Variants in ATXN1 observed in about 807,000 individuals in gnomAD.
The protein encoded by ATXN1 is ataxin-1.
ATXN1 carries 8 observed loss-of-function variants against 56.4 expected under a neutral mutation model. The observed-to-expected ratio is 0.14, with a 90% CI of 0.08 to 0.26. The LOEUF is 0.26. ATXN1 is among the 10% of genes least tolerant of loss of function. ATXN1 has a pLI of 1.00. For synonymous variants in ATXN1, 514 were observed against 494.6 expected (o/e 1.04, Z -0.52); for missense variants, 987 against 1,106.5 (o/e 0.89, Z 1.53).
At chr6:16,606,604 C>T (rs1763010237) in intron 3 of ATXN1, among the ~76,000 whole-genome samples, 1 of 151,870 alleles carries the variant, frequency 6.6e-6, no homozygotes, top group Non-Finnish European at 1.5e-5. Context: ...TCTCGGCTCA[C>T]TGTGACCTCC....
chr6:16,580,411 C>T (rs1762507523), intron 4 of ATXN1, among the ~76,000 whole-genome samples: 4 of 152,118 alleles, frequency 2.6e-5, no homozygotes, highest in African/African-American at 7.2e-5. Context: ...GGATTTCTAC[C>T]TCGAGTTTTG....
intron 6 of ATXN1, among the ~76,000 whole-genome samples, chr6:16,446,169 A>G (rs1337366231): frequency 4.0e-5 from 6 of 151,334 alleles, no homozygotes; most frequent in African/African-American, 1.5e-4. Context: ...ATTTCTCCAC[A>G]TCCTCTCCAG....
intron 5 of ATXN1, among the ~76,000 whole-genome samples, chr6:16,486,963 T>A (rs1023312290): frequency 3.9e-5 from 6 of 152,072 alleles, no homozygotes; most frequent in Non-Finnish European, 8.8e-5. Context: ...GATAACTTTT[T>A]GTTTATTTGC....
chr6:16,327,426 G>A lies in ATXN1; in HGVS notation c.885C>T (p.Asp295=). 3 of 1,613,774 alleles carry A rather than the reference G, an allele frequency of 1.9e-6. No individual in the cohort carries two copies. The highest frequency in any genetic ancestry group is 2.5e-6 in the Non-Finnish European group (3 of 1,179,988). The change falls in exon 7 of 8, where the codon GAC becomes GAT. Residue 295 remains aspartate (D), a synonymous_variant. Transcript: ENST00000436367. The part of the protein sequence containing the change: ...PPSQVVMQYA[D]SGSHFVPREA... ...CCCGAGGGACAAAGTGGCTGCCGGA[G>A]TCGGCGTATTGCATGACGACCTGGG...
chr6:16,378,377 C>T (rs1444133387), intron 6 of ATXN1, among the ~76,000 whole-genome samples: 1 of 152,066 alleles, frequency 6.6e-6, no homozygotes, highest in Non-Finnish European at 1.5e-5. Flanking sequence ...TTCAGATAGG[C>T]GTTAGGCCCA....
intron 3 of ATXN1, among the ~76,000 whole-genome samples, chr6:16,603,293 G>A (rs757773213): frequency 1.3e-5 from 2 of 152,134 alleles, no homozygotes; most frequent in Non-Finnish European, 2.9e-5. Context: ...GAGGCTTTAA[G>A]CCTTTCCCAC....
chr6:16,517,036 T>C (rs943635724), intron 5 of ATXN1, among the ~76,000 whole-genome samples: 8 of 152,260 alleles, frequency 5.3e-5, no homozygotes, highest in African/African-American at 1.7e-4. Context: ...ATAACAATTA[T>C]TCATTTGCAT....
At chr6:16,339,287 C>T (rs900451926) in intron 6 of ATXN1, among the ~76,000 whole-genome samples, 1 of 152,186 alleles carries the variant, frequency 6.6e-6, no homozygotes, top group Non-Finnish European at 1.5e-5. Context: ...ATAAAACTCT[C>T]CATCAAGTCA....
chr6:16,670,513 C>A (rs1388772051), intron 2 of ATXN1, among the ~76,000 whole-genome samples: 1 of 152,184 alleles, frequency 6.6e-6, no homozygotes, highest in Non-Finnish European at 1.5e-5. Flanking sequence ...CTGGAGAAAA[C>A]AGATGTGGAG....
chr6:16,562,463 G>GAA lies in ATXN1; in HGVS notation c.-361+23316_-361+23317insTT, dbSNP rs1561756163. Among the ~76,000 whole-genome samples, 483 of 71,998 alleles carry GAA rather than the reference G, an allele frequency of 6.7e-3. 1 individual carries two copies. The highest frequency in any genetic ancestry group is 0.041 in the South Asian group (72 of 1,770). 47.2% of individuals were successfully genotyped at this position (71,998 alleles called of 152,430 possible). A position where few individuals can be genotyped will look rare whatever the true frequency, so the allele number is the denominator to read the frequency against. ...AAAGAAAAGAAAGAAAAGGAGAGGA[G>GAA]AGGAGAGGAGAGGAGAGGAGAGGAA... On this transcript the variant is annotated intron_variant, in intron 4 of 7. Coordinates refer to ENST00000436367, the MANE Select transcript of ATXN1 (RefSeq NM_001128164.2).
intron 2 of ATXN1, among the ~76,000 whole-genome samples, chr6:16,665,130 C>A (rs1376041671): frequency 6.6e-6 from 1 of 151,996 alleles, no homozygotes; most frequent in Non-Finnish European, 1.5e-5. Flanking sequence ...GAAGATGTGG[C>A]CAATAGTTTC....
chr6:16,527,982 C>T (rs2113702639), intron 4 of ATXN1, among the ~76,000 whole-genome samples: 1 of 152,220 alleles, frequency 6.6e-6, no homozygotes, highest in African/African-American at 2.4e-5. Flanking sequence ...GTGTTGTGTG[C>T]TATACAATGG....
chr6:16,503,363 T>C (rs908934654), intron 5 of ATXN1, among the ~76,000 whole-genome samples: 1 of 152,210 alleles, frequency 6.6e-6, no homozygotes, highest in African/African-American at 2.4e-5. Context: ...GCTCCTGGCC[T>C]CATGACAAGT....
chr6:16,545,791 A>G (rs764586956), intron 4 of ATXN1, among the ~76,000 whole-genome samples: 1 of 152,244 alleles, frequency 6.6e-6, no homozygotes. Flanking sequence ...GTAGCAAAGA[A>G]AGCCTGAAAA....
chr6:16,596,728 G>A (rs902831360), intron 3 of ATXN1, among the ~76,000 whole-genome samples: 12 of 152,112 alleles, frequency 7.9e-5, no homozygotes, highest in African/African-American at 2.9e-4. Flanking sequence ...GCACCTCATG[G>A]AGGCTGCATC....
chr6:16,649,985 G>A (rs557672569), intron 3 of ATXN1, among the ~76,000 whole-genome samples: 2 of 150,748 alleles, frequency 1.3e-5, no homozygotes, highest in South Asian at 4.2e-4. Flanking sequence ...CTCTCTATCT[G>A]TTGCCCAGGC....
chr6:16,664,988 G>C (rs1292403304), intron 2 of ATXN1, among the ~76,000 whole-genome samples: 1 of 152,070 alleles, frequency 6.6e-6, no homozygotes, highest in African/African-American at 2.4e-5. Flanking sequence ...AAAAAAGTTA[G>C]TGACAAGAGT....
chr6:16,617,312 A>T (rs996397918), intron 3 of ATXN1, among the ~76,000 whole-genome samples: 30 of 152,326 alleles, frequency 2.0e-4, no homozygotes, highest in African/African-American at 6.7e-4. Flanking sequence ...CTCTGAATTG[A>T]TATCTAATCT....
intron 4 of ATXN1, among the ~76,000 whole-genome samples, chr6:16,555,829 G>A (rs759589795): frequency 6.6e-6 from 1 of 152,190 alleles, no homozygotes; most frequent in Non-Finnish European, 1.5e-5. Context: ...TTTCCAACAA[G>A]CATCAAAGCC....
Sources: gnomAD v4.1 joint callset for allele counts (sites outside exome capture counted in the v4.1 genomes callset) on GRCh38, gnomAD v4.1.1 for gene constraint, MANE v1.5 for transcripts, NCBI Gene and HGNC (gene_info 2026-07-23, HGNC 2026-07-21) for gene names.